Variants in LHFPL3 observed in about 807,000 individuals in gnomAD.
LHFPL3 encodes the protein LHFPL tetraspan subfamily member 3, also known as LHFPL tetraspan subfamily member 3 protein.
LHFPL3 carries 5 observed loss-of-function variants against 19.3 expected under a neutral mutation model. The ratio of observed to expected loss-of-function variants is 0.26; its 90% CI spans 0.14 to 0.54. The LOEUF (loss-of-function observed/expected upper bound fraction) is 0.54. Among genes scored for constraint, LHFPL3 ranks in the 20% least tolerant of loss-of-function variants. The probability of loss-of-function intolerance (pLI) is 0.94; values close to 1 mark genes in which losing one functional copy is unlikely to be tolerated. For missense variants in LHFPL3, 249 were observed against 307.4 expected (o/e 0.81, Z 1.42); for synonymous variants, 133 against 126.2 (o/e 1.05, Z -0.36).
intron 1 of LHFPL3, among the ~76,000 whole-genome samples, chr7:104,562,897 A>G (rs1394740381): frequency 7.1e-6 from 1 of 141,478 alleles, no homozygotes; most frequent in East Asian, 2.2e-4. Flanking sequence ...TTTTCCTTCT[A>G]ACAGAGAGGA....
In LHFPL3 at chr7:104,374,864, CA is replaced by C. The variant is rs1251283146; in HGVS notation, c.445+45642del. 5.3e-5 allele frequency among the ~76,000 whole-genome samples: 8 copies of C among 152,216 alleles called. No individual in the cohort carries two copies. In the East Asian group the frequency reaches 1.5e-3, roughly 29 times the overall value. On this transcript the variant is annotated intron_variant, in intron 1 of 2. Coordinates refer to ENST00000424859, the MANE Select transcript of LHFPL3 (RefSeq NM_199000.3). ...TCCTAGCACAGTGCAAGGCACATGG[CA>C]AGCATGGAATTATTATTTTTGAATG...
At chr7:104,515,509 C>T (rs1283056608) in intron 1 of LHFPL3, among the ~76,000 whole-genome samples, 1 of 152,166 alleles carries the variant, frequency 6.6e-6, no homozygotes, top group East Asian at 1.9e-4. Flanking sequence ...TGGGAAGAAG[C>T]TCTAGCAGTG....
chr7:104,860,485 C>T (rs939079912), intron 2 of LHFPL3, among the ~76,000 whole-genome samples: 2 of 152,118 alleles, frequency 1.3e-5, no homozygotes, highest in African/African-American at 2.4e-5. Context: ...AGCTAAAGAC[C>T]TCTAGGTTTC....
chr7:104,500,752 G>A (rs1423368291), intron 1 of LHFPL3, among the ~76,000 whole-genome samples: 2 of 152,160 alleles, frequency 1.3e-5, no homozygotes, highest in East Asian at 3.8e-4. Flanking sequence ...TAAAATTCTT[G>A]AGCAAATCCC....
intron 1 of LHFPL3, among the ~76,000 whole-genome samples, chr7:104,520,326 ATG>A (rs1331375812): frequency 6.8e-6 from 1 of 147,460 alleles, no homozygotes; most frequent in Non-Finnish European, 1.5e-5. Context: ...AAGCTTTTTG[ATG>A]TGCTGCTGGA....
In LHFPL3 at chr7:104,592,345, A is replaced by G. The variant is rs6945006; in HGVS notation, c.446-144330A>G. Reference sequence around the variant, plus strand: ...GTTTCTTAATTTTCCTTCTAACAGTAAGGACCCTCAGCTGCAGGTCTGTTG... The same window carrying G: ...GTTTCTTAATTTTCCTTCTAACAGTGAGGACCCTCAGCTGCAGGTCTGTTG... On this transcript the variant is annotated intron_variant, in intron 1 of 2. Coordinates refer to ENST00000424859, the MANE Select transcript of LHFPL3 (RefSeq NM_199000.3). Among the ~76,000 whole-genome samples the G allele has an allele frequency of 6.6e-5, 10 of 151,490 alleles. No homozygotes were observed. In the East Asian group the frequency reaches 2.0e-3, roughly 30 times the overall value.
chr7:104,731,002 A>G (rs2116280390), intron 1 of LHFPL3, among the ~76,000 whole-genome samples: 1 of 152,294 alleles, frequency 6.6e-6, no homozygotes, highest in South Asian at 2.1e-4. Flanking sequence ...TTAAATAAGG[A>G]ATCCTTTCCC....
At chr7:104,574,483 T>G (rs1054883939) in intron 1 of LHFPL3, among the ~76,000 whole-genome samples, 2 of 152,244 alleles carry the variant, frequency 1.3e-5, no homozygotes, top group Non-Finnish European at 2.9e-5. Context: ...TGGCAAATGC[T>G]AAATCTGTGA....
At chr7:104,527,440 A>C (rs976980969) in intron 1 of LHFPL3, among the ~76,000 whole-genome samples, 1 of 152,154 alleles carries the variant, frequency 6.6e-6, no homozygotes, top group African/African-American at 2.4e-5. Flanking sequence ...AGGTGTGGAC[A>C]GATTTGGGAT....
At chr7:104,364,200 T>G (rs1790442125) in intron 1 of LHFPL3, among the ~76,000 whole-genome samples, 1 of 152,188 alleles carries the variant, frequency 6.6e-6, no homozygotes, top group African/African-American at 2.4e-5. Flanking sequence ...AGATTTCCTC[T>G]TGAATGTGTA....
At chr7:104,840,302 G>T in intron 2 of LHFPL3, among the ~76,000 whole-genome samples, 2 of 103,074 alleles carry the variant, frequency 1.9e-5, no homozygotes, top group African/African-American at 3.6e-5. Flanking sequence ...TTTTCTTGTG[G>T]GTTTTCTTTT....
Position 104,328,762 on chromosome 7 carries a change from A to C in LHFPL3, c.-18A>C, listed in dbSNP as rs774229148. 3 of 1,550,362 alleles carry C rather than the reference A, an allele frequency of 1.9e-6. No homozygotes were observed. The South Asian group carries it at 3.5e-5, about 18-fold the overall frequency. ...GCGGAGGACCAGGAGGAGGAGGAGG[A>C]GGAGGAGGAGGGGGAGAATGCCCGG... On this transcript the variant is annotated 5_prime_UTR_variant, in exon 1 of 3. Coordinates refer to ENST00000424859, the MANE Select transcript of LHFPL3 (RefSeq NM_199000.3). The surrounding 1 kb of genome is among the most constrained non-coding windows in gnomAD (Gnocchi z 4.6).
At chr7:104,804,487 G>A (rs537602775) in intron 2 of LHFPL3, among the ~76,000 whole-genome samples, 1 of 152,302 alleles carries the variant, frequency 6.6e-6, no homozygotes, top group South Asian at 2.1e-4. Context: ...CACCCTTGAG[G>A]GTGGGCAAGA....
Position 104,615,172 on chromosome 7 carries a change from A to G in LHFPL3, c.446-121503A>G, listed in dbSNP as rs370337407. On this transcript the variant is annotated intron_variant, in intron 1 of 2. Coordinates refer to ENST00000424859, the MANE Select transcript of LHFPL3 (RefSeq NM_199000.3). The stretch of plus-strand genomic sequence containing the variant: ...TCACATATATGAGCTGGCTCAAAAT[A>G]ATATGTTTTCTCTAATACGTGTGAA... 1.4e-4 allele frequency among the ~76,000 whole-genome samples: 21 copies of G among 152,336 alleles called. No homozygotes were observed. In the East Asian group the frequency reaches 3.3e-3, roughly 24 times the overall value.
At chr7:104,837,523 GT>G (rs1398660947) in intron 2 of LHFPL3, among the ~76,000 whole-genome samples, 1 of 152,192 alleles carries the variant, frequency 6.6e-6, no homozygotes, top group Non-Finnish European at 1.5e-5. Flanking sequence ...CATAAAGTAA[GT>G]GCTAACATTA....
At chr7:104,667,728 A>G in intron 1 of LHFPL3, 1 of 1,524,652 alleles carries the variant, frequency 6.6e-7, no homozygotes, top group Non-Finnish European at 9.0e-7. Context: ...AAATACAAGG[A>G]AAAGCTTTCC....
intron 2 of LHFPL3, among the ~76,000 whole-genome samples, chr7:104,831,370 T>C (rs1790950714): frequency 6.6e-6 from 1 of 152,042 alleles, no homozygotes; most frequent in Non-Finnish European, 1.5e-5. Flanking sequence ...GTACTTGTTT[T>C]CCTTAAGAAA....
chr7:104,455,702 A>C (rs1166928282), intron 1 of LHFPL3, among the ~76,000 whole-genome samples: 1 of 152,172 alleles, frequency 6.6e-6, no homozygotes, highest in Non-Finnish European at 1.5e-5. Flanking sequence ...ACTTGAGCAA[A>C]ACAGTGAGGC....
At chr7:104,430,443 T>TATAC (rs1423338538) in intron 1 of LHFPL3, among the ~76,000 whole-genome samples, 7 of 20,602 alleles carry the variant, frequency 3.4e-4, no homozygotes, top group East Asian at 2.6e-3. Context: ...TATATATATA[T>TATAC]ATATATATAT....
Sources: allele counts gnomAD v4.1 joint callset (sites outside exome capture counted in the v4.1 genomes callset), GRCh38; gene constraint gnomAD v4.1.1; non-coding constraint Gnocchi (gnomAD v3.1); transcripts MANE v1.5; gene names NCBI Gene and HGNC (gene_info 2026-07-23, HGNC 2026-07-21).